IFT122: variants seen among roughly 807,000 people sequenced by gnomAD.
IFT122 encodes the protein intraflagellar transport 122, also known as intraflagellar transport protein 122 homolog.
Under a neutral mutation model 161.6 loss-of-function variants are expected in IFT122, and 118 were observed. That is an observed-to-expected ratio of 0.73 (90% CI 0.63 to 0.85). The LOEUF (loss-of-function observed/expected upper bound fraction) is 0.85. Among genes scored for constraint, IFT122 ranks in the 40% least tolerant of loss-of-function variants. The probability of loss-of-function intolerance (pLI) is 0.00; values close to 1 mark genes in which losing one functional copy is unlikely to be tolerated. For missense variants in IFT122, 1,381 were observed against 1,579.6 expected (o/e 0.87, Z 2.13); for synonymous variants, 550 against 602.4 (o/e 0.91, Z 1.27).
intron 9 of IFT122, among the ~76,000 whole-genome samples, chr3:129,471,509 G>C (rs966163968): frequency 2.0e-5 from 3 of 152,230 alleles, no homozygotes; most frequent in African/African-American, 7.2e-5. Context: ...TAACCACACT[G>C]CAGTGGGAGG....
chr3:129,482,660 G>A (rs767319690), intron 14 of IFT122, among the ~76,000 whole-genome samples: 5 of 152,138 alleles, frequency 3.3e-5, no homozygotes, highest in African/African-American at 7.2e-5. Context: ...GAATGGTTTC[G>A]GGGAAAGAGA....
intron 12 of IFT122, 68 bp downstream of exon 12, chr3:129,478,286 C>T: frequency 1.5e-6 from 2 of 1,350,506 alleles, no homozygotes; most frequent in Admixed American, 1.8e-5. Context: ...TGATAGGGTG[C>T]CCACCTCATG....
intron 2 of IFT122, among the ~76,000 whole-genome samples, chr3:129,451,356 C>T (rs116163066): frequency 0.011 from 1,620 of 152,106 alleles, 12 homozygotes; most frequent in Non-Finnish European, 0.015. Flanking sequence ...CTCCTGGTTT[C>T]AAGCAATCCT....
chr3:129,466,703 A>G (rs1448672454), intron 7 of IFT122, among the ~76,000 whole-genome samples, 187 bp from the exon 8 acceptor site: 1 of 151,680 alleles, frequency 6.6e-6, no homozygotes, highest in Non-Finnish European at 1.5e-5. Flanking sequence ...GGGTTTCACC[A>G]TGTTGGCCAG....
rs531664463 is a variant in IFT122, at chr3:129,464,856, C to T, written c.563+75C>T. On this transcript the variant is annotated intron_variant, in intron 7 of 29. Coordinates refer to ENST00000348417, the MANE Select transcript of IFT122 (RefSeq NM_052989.3). ...GGCTTTTTGTCTTCCTGAGGTCTCCCTACATTCAAAGGCTTCTCACCTCAC... is the reference window on the plus strand; with the variant it reads ...GGCTTTTTGTCTTCCTGAGGTCTCCTTACATTCAAAGGCTTCTCACCTCAC... The T allele has an allele frequency of 6.6e-6, 10 of 1,520,846 alleles. No individual in the cohort carries two copies. The Admixed American group carries it at 6.7e-5, about 10-fold the overall frequency. The allele number at this position is 1,520,846 out of a possible 1,614,324, so 94.2% of individuals were successfully genotyped here.
intron 3 of IFT122, among the ~76,000 whole-genome samples, chr3:129,455,850 G>A (rs1299626761): frequency 6.6e-6 from 1 of 152,108 alleles, no homozygotes; most frequent in Non-Finnish European, 1.5e-5. Context: ...AAATGGAAGT[G>A]GATCATCATA....
At chr3:129,517,268 G>GCGCGCGCGCGCGCGCACACACA (rs1553776447) in intron 26 of IFT122, among the ~76,000 whole-genome samples, 6 of 117,002 alleles carry the variant, frequency 5.1e-5, no homozygotes, top group African/African-American at 1.9e-4. Context: ...CATTGCTCCT[G>GCGCGCGCGCGCGCGCACACACA]CACACACACA....
intron 4 of IFT122, among the ~76,000 whole-genome samples, 195 bp downstream of exon 4, chr3:129,458,872 C>T (rs1189570552): frequency 1.3e-5 from 2 of 152,202 alleles, no homozygotes; most frequent in Non-Finnish European, 2.9e-5. Context: ...CACTTACTGG[C>T]GTGGCCAGCA....
At chr3:129,477,882 C>T in intron 11 of IFT122, 134 bp from the exon 12 acceptor site, 1 of 735,346 alleles carries the variant, frequency 1.4e-6, no homozygotes, top group Non-Finnish European at 2.3e-6. Context: ...GTATTAGATA[C>T]TCTAAAGATT....
chr3:129,454,432 A>G (rs1337951085), intron 3 of IFT122, among the ~76,000 whole-genome samples: 1 of 151,034 alleles, frequency 6.6e-6, no homozygotes, highest in African/African-American at 2.4e-5. Flanking sequence ...GTGACTTGCC[A>G]AGGCCATGCA....
intron 1 of IFT122, among the ~76,000 whole-genome samples, chr3:129,449,667 T>G (rs2074506578): frequency 6.6e-6 from 1 of 152,258 alleles, no homozygotes; most frequent in Admixed American, 6.5e-5. Context: ...GACAAAGAGC[T>G]AACTACTGAG....
intron 25 of IFT122, chr3:129,514,885 T>C (rs952562265): frequency 2.4e-5 from 11 of 465,104 alleles, no homozygotes; most frequent in Admixed American, 1.4e-4. Context: ...GCCCCAGAGC[T>C]GACTCTTACT....
chr3:129,489,719 G>A (rs1203686882), intron 16 of IFT122, among the ~76,000 whole-genome samples: 1 of 151,960 alleles, frequency 6.6e-6, no homozygotes, highest in Non-Finnish European at 1.5e-5. Context: ...GGCGCCTGTA[G>A]TCCCAGCTAC....
chr3:129,514,283 G>A (rs1255283646), intron 24 of IFT122, 106 bp from the exon 25 acceptor site: 1 of 1,280,484 alleles, frequency 7.8e-7, no homozygotes, highest in Admixed American at 1.9e-5. Context: ...TGCCTTCCCG[G>A]CACCAGCACA....
chr3:129,444,642 C>T (rs372735871), intron 1 of IFT122, among the ~76,000 whole-genome samples: 16 of 152,134 alleles, frequency 1.1e-4, no homozygotes, highest in East Asian at 5.8e-4. Context: ...CTGCCTCAGC[C>T]TCCCGAGTAG....
At chr3:129,487,466 C>T (rs570327741) in intron 15 of IFT122, 1 of 153,788 alleles carries the variant, frequency 6.5e-6, no homozygotes, top group African/African-American at 2.4e-5. Flanking sequence ...TGGGGACAGC[C>T]AAAAGCCTTT....
Position 129,512,310 on chromosome 3 carries a change from A to G in IFT122, c.2887-2A>G. On this transcript the variant is annotated splice_acceptor_variant, in intron 23 of 29. Transcript: ENST00000348417. LOFTEE classifies it high-confidence loss of function. ...TCCCTGTTTGCTTTTCTCTCACTGC[A>G]GGAAGATCCGTTCAGTGTCCATCGT... 1 of 1,610,862 alleles carries G rather than the reference A, an allele frequency of 6.2e-7. No homozygotes were observed. Among genetic ancestry groups the G allele is most frequent in the South Asian group, 1.1e-5 (1 of 91,010 alleles).
chr3:129,514,054 A>G, intron 24 of IFT122: 1 of 395,360 alleles, frequency 2.5e-6, no homozygotes, highest in Non-Finnish European at 4.9e-6. Flanking sequence ...CAGGCATCCT[A>G]GGAGGGCCTG....
At position 129,470,751 on chromosome 3, in the gene IFT122, GTA is replaced by G. The variant is rs1413798336; in HGVS notation, c.816+1335_816+1336del. Among the ~76,000 whole-genome samples, 6 of 151,876 alleles carry G rather than the reference GTA, an allele frequency of 4.0e-5. No homozygotes were observed. The East Asian group carries it at 1.2e-3, about 29-fold the overall frequency. ...ATGTCCGGCTAATTTTGTATTTTTA[GTA>G]GAGACGGGGTTTCTCCATGTTGGTC... On this transcript the variant is annotated intron_variant, in intron 9 of 29. Coordinates refer to ENST00000348417, the MANE Select transcript of IFT122 (RefSeq NM_052989.3).
Sources: gnomAD v4.1 joint callset for allele counts (sites outside exome capture counted in the v4.1 genomes callset) on GRCh38, gnomAD v4.1.1 for gene constraint, MANE v1.5 for transcripts, NCBI Gene and HGNC (gene_info 2026-07-23, HGNC 2026-07-21) for gene names.